The following CCDC149 variants were observed in gnomAD, a reference collection of about 807,000 sequenced individuals.
CCDC149 encodes the protein coiled-coil domain containing 149, also known as coiled-coil domain-containing protein 149.
CCDC149 carries 45 observed loss-of-function variants against 59.9 expected under a neutral mutation model. The ratio of observed to expected loss-of-function variants is 0.75; its 90% confidence interval spans 0.59 to 0.96. The LOEUF (loss-of-function observed/expected upper bound fraction) is 0.96. CCDC149 is among the 40% of genes least tolerant of loss of function. CCDC149 has a pLI of 0.00. For missense variants in CCDC149, 584 were observed against 664.7 expected (o/e 0.88, Z 1.33); for synonymous variants, 245 against 260.6 (o/e 0.94, Z 0.58).
chr4:24,852,563 G>A (rs934740661), intron 4 of CCDC149, among the ~76,000 whole-genome samples: 12 of 152,052 alleles, frequency 7.9e-5, no homozygotes, highest in South Asian at 2.1e-4. Context: ...TATAATTAAC[G>A]TTGCCAACAG....
intron 1 of CCDC149, among the ~76,000 whole-genome samples, chr4:24,892,953 G>A (rs576604170): frequency 6.6e-6 from 1 of 152,296 alleles, no homozygotes; most frequent in Admixed American, 6.5e-5. Flanking sequence ...GCATCCCATA[G>A]TGAGTAAGCA....
intron 1 of CCDC149, among the ~76,000 whole-genome samples, chr4:24,888,935 A>G (rs1464298809): frequency 6.6e-6 from 1 of 150,694 alleles, no homozygotes; most frequent in Non-Finnish European, 1.5e-5. Context: ...TTTATGATCT[A>G]TCTTTCTCAG....
At chr4:24,979,923 A>C (rs531990126) in intron 1 of CCDC149, 1 of 152,368 alleles carries the variant, frequency 6.6e-6, no homozygotes, top group East Asian at 1.9e-4. Context: ...AAATCGGCTT[A>C]AAAGGCTTCT....
intron 1 of CCDC149, among the ~76,000 whole-genome samples, chr4:24,924,372 G>A (rs1312486725): frequency 6.6e-6 from 1 of 152,192 alleles, no homozygotes. Flanking sequence ...AAGTTTAGTG[G>A]TGTGAAACGT....
chr4:24,900,233 A>G (rs988481832), intron 1 of CCDC149, among the ~76,000 whole-genome samples: 1 of 152,210 alleles, frequency 6.6e-6, no homozygotes, highest in Admixed American at 6.5e-5. Context: ...TAACTGGCAC[A>G]TTGAATGCTG....
At chr4:24,872,000 A>G (rs969241876) in intron 3 of CCDC149, among the ~76,000 whole-genome samples, 2 of 152,246 alleles carry the variant, frequency 1.3e-5, no homozygotes, top group Admixed American at 1.3e-4. Context: ...ACTTGATGAA[A>G]TGTTTCTAGG....
At chr4:24,930,437 T>G (rs1209717522) in intron 1 of CCDC149, among the ~76,000 whole-genome samples, 2 of 152,214 alleles carry the variant, frequency 1.3e-5, no homozygotes, top group Non-Finnish European at 2.9e-5. Flanking sequence ...ATAAACAGAA[T>G]GATTACAGCA....
intron 1 of CCDC149, among the ~76,000 whole-genome samples, chr4:24,907,404 C>T (rs967263645): frequency 7.2e-5 from 11 of 152,170 alleles, no homozygotes; most frequent in African/African-American, 1.7e-4. Context: ...TCACAGTCCA[C>T]GTGTCATGCA....
intron 1 of CCDC149, among the ~76,000 whole-genome samples, chr4:24,890,039 C>T (rs1720438992): frequency 6.6e-6 from 1 of 152,058 alleles, no homozygotes; most frequent in African/African-American, 2.4e-5. Flanking sequence ...CGTTCTTTAA[C>T]AAAAGGGAAA....
intron 3 of CCDC149, among the ~76,000 whole-genome samples, chr4:24,858,242 TA>T (rs1030457557): frequency 8.5e-5 from 13 of 152,298 alleles, no homozygotes; most frequent in African/African-American, 3.1e-4. Flanking sequence ...CAGTTTAGAA[TA>T]ACAGCACTAT....
chr4:24,953,222 A>G lies in CCDC149; in HGVS notation c.-65+26847T>C, dbSNP rs75552138. ...GGCTCCACTGGAGTAGCAATCAGTG[A>G]TCAGAACACAGATTCCTGATTTTGG... On this transcript the variant is annotated intron_variant, in intron 1 of 12. Transcript: ENST00000389609. Among the ~76,000 whole-genome samples, 2,364 of 152,270 alleles carry G rather than the reference A, an allele frequency of 0.016. 173 individuals carry two copies. In the East Asian group the frequency reaches 0.22, roughly 14 times the overall value.
chr4:24,930,563 A>G (rs192534811), intron 1 of CCDC149, among the ~76,000 whole-genome samples: 1 of 152,302 alleles, frequency 6.6e-6, no homozygotes, highest in Admixed American at 6.5e-5. Context: ...GGGCACAAAT[A>G]TGTCCACTTT....
intron 12 of CCDC149, among the ~76,000 whole-genome samples, chr4:24,815,761 C>G (rs1714973054): frequency 1.3e-5 from 2 of 152,150 alleles, no homozygotes; most frequent in Admixed American, 1.3e-4. Flanking sequence ...TGACATTCTG[C>G]TCATGTCCAA....
At chr4:24,924,984 G>T (rs759383439) in intron 1 of CCDC149, among the ~76,000 whole-genome samples, 3 of 152,176 alleles carry the variant, frequency 2.0e-5, no homozygotes, top group Non-Finnish European at 4.4e-5. Context: ...GACACCCAAA[G>T]TTTTGTCCTG....
intron 3 of CCDC149, among the ~76,000 whole-genome samples, chr4:24,872,954 C>T (rs1560229491): frequency 1.3e-5 from 2 of 151,322 alleles, no homozygotes; most frequent in African/African-American, 4.9e-5. Context: ...ACAGTATGAC[C>T]CACTGAATGG....
chr4:24,931,336 A>ATATATATATATATATATATATATATATAT (rs1355267370), intron 1 of CCDC149, among the ~76,000 whole-genome samples: 1 of 110,580 alleles, frequency 9.0e-6, no homozygotes, highest in African/African-American at 4.5e-5. Context: ...TATATATCTC[A>ATATATATATATATATATATATATATATAT]GTACAGGCAA....
At chr4:24,933,749 G>C (rs1452250122) in intron 1 of CCDC149, among the ~76,000 whole-genome samples, 1 of 152,150 alleles carries the variant, frequency 6.6e-6, no homozygotes, top group East Asian at 1.9e-4. Flanking sequence ...ACAGAATGAA[G>C]AGTTAGAGAA....
chr4:24,824,050 C>T (rs1021843958), intron 9 of CCDC149, among the ~76,000 whole-genome samples: 14 of 152,160 alleles, frequency 9.2e-5, no homozygotes, highest in African/African-American at 2.7e-4. Flanking sequence ...TGTTTCTTAA[C>T]GAGATCAGAT....
chr4:24,979,070 A>G (rs1297583061), intron 1 of CCDC149, among the ~76,000 whole-genome samples: 2 of 152,218 alleles, frequency 1.3e-5, no homozygotes, highest in African/African-American at 4.8e-5. Flanking sequence ...CAGGGAACAA[A>G]TGGAAGCCAG....
Sources: gnomAD v4.1 joint callset for allele counts (sites outside exome capture counted in the v4.1 genomes callset) on GRCh38, gnomAD v4.1.1 for gene constraint, MANE v1.5 for transcripts, NCBI Gene and HGNC (gene_info 2026-07-23, HGNC 2026-07-21) for gene names.